Variants in NIPSNAP2 observed in about 807,000 individuals in gnomAD.
NIPSNAP2 encodes nipsnap homolog 2, also known as protein NipSnap homolog 2.
NIPSNAP2 carries 42 observed loss-of-function variants against 48.4 expected under a neutral mutation model. That is an observed-to-expected ratio of 0.87 (90% CI 0.68 to 1.12). The LOEUF (loss-of-function observed/expected upper bound fraction) is 1.12, where lower values mean the gene tolerates loss of function less well. Among genes scored for constraint, NIPSNAP2 ranks in the 50% most tolerant of loss-of-function variants. NIPSNAP2 has a pLI of 0.00. For missense variants in NIPSNAP2, 314 were observed against 347.3 expected, an observed-to-expected ratio of 0.90 and a Z score of 0.76; for synonymous variants, 158 against 126.6, an observed-to-expected ratio of 1.25 and a Z score of -1.67.
chr7:55,969,964 C>T lies in NIPSNAP2; in HGVS notation c.92+5263C>T, dbSNP rs529097564. On this transcript the variant is annotated intron_variant, in intron 1 of 9. Transcript: ENST00000322090. ...CACCACTGCACTCCAGCCTGGGCGACGGAGCGAGACTCTGTCTCAAAAAAA... is the reference window on the plus strand; with the variant it reads ...CACCACTGCACTCCAGCCTGGGCGATGGAGCGAGACTCTGTCTCAAAAAAA... Among the ~76,000 whole-genome samples the T allele has an allele frequency of 1.9e-4, 27 of 140,018 alleles. 2 individuals are homozygous for T. The South Asian group carries it at 5.1e-3, about 27-fold the overall frequency. The allele number at this position is 140,018 out of a possible 152,430, so 91.9% of individuals were successfully genotyped here.
chr7:55,988,245 G>A (rs989035532), intron 7 of NIPSNAP2, among the ~76,000 whole-genome samples: 2 of 152,078 alleles, frequency 1.3e-5, no homozygotes, highest in African/African-American at 4.8e-5. Context: ...CTGGGCTACA[G>A]ACCCTGTATC....
At chr7:55,994,833 A>G (rs926342862) in intron 7 of NIPSNAP2, 61 bp from the exon 8 acceptor site, 6 of 1,387,280 alleles carry the variant, frequency 4.3e-6, no homozygotes, top group South Asian at 1.2e-5. Flanking sequence ...GGTTTAGTCT[A>G]CCGATTCTCG....
At chr7:55,993,258 C>G (rs1787485981) in intron 7 of NIPSNAP2, among the ~76,000 whole-genome samples, 1 of 151,478 alleles carries the variant, frequency 6.6e-6, no homozygotes, top group East Asian at 1.9e-4. Flanking sequence ...GAGATCCCGC[C>G]ACTGCACTCC....
chr7:55,965,630 A>G (rs1786877522), intron 1 of NIPSNAP2, among the ~76,000 whole-genome samples: 2 of 151,772 alleles, frequency 1.3e-5, no homozygotes, highest in African/African-American at 4.8e-5. Flanking sequence ...GCCCCGGCTG[A>G]AGTGCAACGG....
At chr7:55,995,913 G>C (rs1345728868) in intron 8 of NIPSNAP2, among the ~76,000 whole-genome samples, 2 of 152,166 alleles carry the variant, frequency 1.3e-5, no homozygotes, top group Non-Finnish European at 2.9e-5. Context: ...AGGAGTTTGA[G>C]GCTGCAGTGA....
At position 55,964,616 on chromosome 7, in the gene NIPSNAP2, G is replaced by A; in HGVS notation, c.7G>A (p.Ala3Thr). Residue 3 changes from alanine to threonine, a missense_variant, in exon 1 of 10, where the codon GCG becomes ACG. Ala to Thr is a moderately conservative substitution (Grantham distance 58). Around this residue, in one of 2 missense-constraint regions of NIPSNAP2, gnomAD observed 198 missense variants for 185.5 expected, o/e 1.07. Coordinates refer to ENST00000322090, the MANE Select transcript of NIPSNAP2 (RefSeq NM_001483.3). MA[A>T]RVLRARGAAW... ...AGCCGAGGCGCCGAGCAAGATGGCG[G>A]CGCGAGTGCTGCGCGCCCGCGGAGC... 9.6e-7 allele frequency: 1 copy of A among 1,040,838 alleles called. No individual in the cohort carries two copies. The highest frequency in any genetic ancestry group is 1.2e-6 in the Non-Finnish European group (1 of 867,450). The allele number at this position is 1,040,838 out of a possible 1,614,324, so 64.5% of individuals were successfully genotyped here.
chr7:55,979,571 A>G (rs988575649), intron 3 of NIPSNAP2: 1 of 336,948 alleles, frequency 3.0e-6, no homozygotes, highest in Admixed American at 3.8e-5. Context: ...TTCCTTCTCC[A>G]TCTCTCTCTC....
At chr7:55,989,101 TA>T (rs1391677330) in intron 7 of NIPSNAP2, among the ~76,000 whole-genome samples, 1 of 152,098 alleles carries the variant, frequency 6.6e-6, no homozygotes, top group East Asian at 1.9e-4. Flanking sequence ...AGAAACAACC[TA>T]AATGCCCATC....
chr7:55,995,721 G>T (rs927474100), intron 8 of NIPSNAP2, among the ~76,000 whole-genome samples: 4 of 152,180 alleles, frequency 2.6e-5, no homozygotes, highest in Admixed American at 6.6e-5. Context: ...ACCTGTAGCT[G>T]CCCGGAGAGG....
At chr7:55,996,799 G>A (rs970851343) in intron 8 of NIPSNAP2, among the ~76,000 whole-genome samples, 4 of 152,146 alleles carry the variant, frequency 2.6e-5, no homozygotes, top group Non-Finnish European at 5.9e-5. Flanking sequence ...AGGCTGAGTC[G>A]GGAGGATCAC....
chr7:55,983,421 C>G (rs10227515), intron 5 of NIPSNAP2, among the ~76,000 whole-genome samples: 1,959 of 152,316 alleles, frequency 0.013, 39 homozygotes, highest in African/African-American at 0.044. Context: ...CATGCTACTT[C>G]TATTGATGTG....
intron 1 of NIPSNAP2, among the ~76,000 whole-genome samples, chr7:55,971,788 T>C (rs1352546412): frequency 1.3e-5 from 2 of 152,176 alleles, no homozygotes; most frequent in African/African-American, 4.8e-5. Flanking sequence ...ATACATAATA[T>C]ATGTTTGCCT....
chr7:55,982,641 A>G (rs1584345216), intron 5 of NIPSNAP2, among the ~76,000 whole-genome samples: 1 of 151,708 alleles, frequency 6.6e-6, no homozygotes, highest in Admixed American at 6.6e-5. Context: ...AGTCCCAGCT[A>G]CTCGGGAGGC....
intron 1 of NIPSNAP2, among the ~76,000 whole-genome samples, chr7:55,967,500 C>T (rs982945886): frequency 3.3e-5 from 5 of 152,008 alleles, no homozygotes; most frequent in African/African-American, 4.8e-5. Context: ...ATAGTCTTGC[C>T]CTGTTGCCCA....
At chr7:55,980,325 GA>G (rs1342178562) in intron 3 of NIPSNAP2, 1 of 155,590 alleles carries the variant, frequency 6.4e-6, no homozygotes, top group African/African-American at 2.4e-5. Context: ...GACCGTTTTG[GA>G]ACTTTTCTCT....
chr7:55,971,810 G>T (rs908991120), intron 1 of NIPSNAP2, among the ~76,000 whole-genome samples: 3 of 151,962 alleles, frequency 2.0e-5, no homozygotes, highest in African/African-American at 7.2e-5. Context: ...TGTATTTCTG[G>T]AAGGATATAC....
chr7:55,978,315 TC>T, intron 2 of NIPSNAP2, 34 bp from the exon 3 acceptor site: 1 of 1,613,552 alleles, frequency 6.2e-7, no homozygotes, highest in Non-Finnish European at 8.5e-7. Context: ...TCCCCTTTGT[TC>T]CTAAGTTTAT....
chr7:55,989,016 A>G (rs913714575), intron 7 of NIPSNAP2, among the ~76,000 whole-genome samples: 1 of 152,150 alleles, frequency 6.6e-6, no homozygotes, highest in African/African-American at 2.4e-5. Flanking sequence ...AGGCTAAATA[A>G]TGCAAGTTAG....
chr7:55,980,681 T>C (rs1169133490), intron 3 of NIPSNAP2: 1 of 152,192 alleles, frequency 6.6e-6, no homozygotes, highest in Non-Finnish European at 1.5e-5. Context: ...CAAGCTCCAC[T>C]CTGACACCCC....
Sources: allele counts gnomAD v4.1 joint callset (sites outside exome capture counted in the v4.1 genomes callset), GRCh38; gene constraint gnomAD v4.1.1; regional missense constraint gnomAD v4.1.1; transcripts MANE v1.5; gene names NCBI Gene and HGNC (gene_info 2026-07-23, HGNC 2026-07-21).